The following PPP3CA variants were observed in gnomAD, a reference collection of about 807,000 sequenced individuals.
PPP3CA encodes protein phosphatase 3 catalytic subunit alpha, also known as CAM-PRP catalytic subunit.
A neutral mutation model predicts 66.5 loss-of-function variants in PPP3CA; 14 were observed. The observed-to-expected ratio is 0.21, with a 90% CI of 0.14 to 0.33. The LOEUF (loss-of-function observed/expected upper bound fraction) is 0.33, where lower values mean the gene tolerates loss of function less well. PPP3CA is among the 10% of genes least tolerant of loss of function. The pLI is 1.00. For synonymous variants in PPP3CA, 232 were observed against 226.2 expected (o/e 1.03, Z -0.23); for missense variants, 317 against 639.5 (o/e 0.50, Z 5.44).
At chr4:101,056,725 C>T (rs1728237081) in intron 10 of PPP3CA, among the ~76,000 whole-genome samples, 1 of 151,420 alleles carries the variant, frequency 6.6e-6, no homozygotes, top group South Asian at 2.1e-4. Flanking sequence ...AGGAGCCTGG[C>T]AAGCAGCAGG....
intron 2 of PPP3CA, among the ~76,000 whole-genome samples, chr4:101,185,552 T>A (rs1724384385): frequency 6.6e-6 from 1 of 152,232 alleles, no homozygotes; most frequent in Admixed American, 6.5e-5. Context: ...AATTTTTACT[T>A]CACCTCACTA....
At chr4:101,279,444 T>C (rs1370939484) in intron 1 of PPP3CA, among the ~76,000 whole-genome samples, 1 of 152,196 alleles carries the variant, frequency 6.6e-6, no homozygotes, top group Non-Finnish European at 1.5e-5. Context: ...CAACATCAGA[T>C]ACCTGACTCT....
At chr4:101,289,481 T>C (rs1727950428) in intron 1 of PPP3CA, among the ~76,000 whole-genome samples, 1 of 152,228 alleles carries the variant, frequency 6.6e-6, no homozygotes, top group African/African-American at 2.4e-5. Flanking sequence ...TCCGCTATTC[T>C]CTTTTTGGAC....
intron 1 of PPP3CA, among the ~76,000 whole-genome samples, chr4:101,319,917 T>C (rs992113521): frequency 1.3e-5 from 2 of 152,164 alleles, no homozygotes; most frequent in Non-Finnish European, 1.5e-5. Context: ...TGTAGCCTTA[T>C]ACCTGAATTT....
At chr4:101,342,454 C>T (rs139963934) in intron 1 of PPP3CA, among the ~76,000 whole-genome samples, 32 of 152,186 alleles carry the variant, frequency 2.1e-4, no homozygotes, top group Middle Eastern at 3.4e-3. Context: ...AATAGACCAA[C>T]CTAACTCGTA....
chr4:101,189,907 T>A (rs1724543574), intron 2 of PPP3CA, among the ~76,000 whole-genome samples: 1 of 152,058 alleles, frequency 6.6e-6, no homozygotes, highest in African/African-American at 2.4e-5. Context: ...GTGACTGGTA[T>A]TTCAGACTGT....
At chr4:101,297,308 T>A (rs2110295179) in intron 1 of PPP3CA, among the ~76,000 whole-genome samples, 2 of 152,322 alleles carry the variant, frequency 1.3e-5, no homozygotes, top group African/African-American at 4.8e-5. Flanking sequence ...GTAGTAAGTA[T>A]AAGAATAAGC....
At chr4:101,068,917 T>A (rs1199220017) in intron 8 of PPP3CA, among the ~76,000 whole-genome samples, 1 of 152,164 alleles carries the variant, frequency 6.6e-6, no homozygotes, top group Non-Finnish European at 1.5e-5. Flanking sequence ...AGCCTTAAAT[T>A]TTTAGGTAAT....
chr4:101,104,918 T>TA (rs766426390), intron 3 of PPP3CA, among the ~76,000 whole-genome samples: 2 of 152,140 alleles, frequency 1.3e-5, no homozygotes, highest in Non-Finnish European at 2.9e-5. Flanking sequence ...GAAGTTTAAT[T>TA]AAAGAGCTGT....
chr4:101,316,172 G>A (rs1214754014), intron 1 of PPP3CA, among the ~76,000 whole-genome samples: 1 of 151,742 alleles, frequency 6.6e-6, no homozygotes, highest in East Asian at 1.9e-4. Context: ...GTGGCAATGT[G>A]TTGAGCTAAA....
intron 10 of PPP3CA, among the ~76,000 whole-genome samples, chr4:101,060,372 ACTT>A (rs1728409364): frequency 6.6e-6 from 1 of 152,018 alleles, no homozygotes; most frequent in Non-Finnish European, 1.5e-5. Context: ...CCTCAACTGT[ACTT>A]CTTAAATGCA....
At position 101,318,056 on chromosome 4, in the gene PPP3CA, A is replaced by G. The variant is rs558485830; in HGVS notation, c.58+28683T>C. Among the ~76,000 whole-genome samples, 6 of 152,356 alleles carry G rather than the reference A, an allele frequency of 3.9e-5. No individual in the cohort carries two copies. The South Asian group carries it at 6.2e-4, about 16-fold the overall frequency. On this transcript the variant is annotated intron_variant, in intron 1 of 13. Transcript: ENST00000394854. The stretch of plus-strand genomic sequence containing the variant: ...TTCTCTTAAAAAATAGTTGTAGTGT[A>G]GTAAACAACGTATCAAAACAATTTG...
At chr4:101,101,107 T>G (rs958029660) in intron 3 of PPP3CA, among the ~76,000 whole-genome samples, 1 of 152,158 alleles carries the variant, frequency 6.6e-6, no homozygotes, top group South Asian at 2.1e-4. Flanking sequence ...TTACTTTAAG[T>G]TTCTAATTAC....
At chr4:101,190,047 T>C (rs1472344451) in intron 2 of PPP3CA, among the ~76,000 whole-genome samples, 1 of 152,004 alleles carries the variant, frequency 6.6e-6, no homozygotes, top group Non-Finnish European at 1.5e-5. Flanking sequence ...AAAATGAATA[T>C]AGCATAGATG....
intron 2 of PPP3CA, among the ~76,000 whole-genome samples, chr4:101,162,150 G>A (rs773327819): frequency 2.6e-5 from 4 of 152,040 alleles, no homozygotes; most frequent in Non-Finnish European, 4.4e-5. Flanking sequence ...TGAGGGAGGA[G>A]AACCACTTGA....
At chr4:101,276,182 A>T (rs994390357) in intron 1 of PPP3CA, among the ~76,000 whole-genome samples, 12 of 152,064 alleles carry the variant, frequency 7.9e-5, no homozygotes, top group Admixed American at 1.3e-4. Flanking sequence ...GGCTTGAATC[A>T]CCGCTCCTGG....
chr4:101,344,093 T>A (rs1263766413), intron 1 of PPP3CA, among the ~76,000 whole-genome samples: 1 of 152,182 alleles, frequency 6.6e-6, no homozygotes, highest in East Asian at 1.9e-4. Context: ...GATAATTTCT[T>A]TTCTGTATTA....
intron 2 of PPP3CA, among the ~76,000 whole-genome samples, chr4:101,172,339 A>G (rs887499322): frequency 1.2e-4 from 18 of 152,146 alleles, no homozygotes; most frequent in African/African-American, 4.3e-4. Context: ...TATTTCATCT[A>G]CAGAGAGAAT....
intron 1 of PPP3CA, among the ~76,000 whole-genome samples, chr4:101,329,477 C>T (rs1317665635): frequency 6.6e-6 from 1 of 152,126 alleles, no homozygotes; most frequent in Non-Finnish European, 1.5e-5. Context: ...AGCAAGTTAT[C>T]CAGGAGACCT....
Sources: allele counts gnomAD v4.1 joint callset (sites outside exome capture counted in the v4.1 genomes callset), GRCh38; gene constraint gnomAD v4.1.1; transcripts MANE v1.5; gene names NCBI Gene and HGNC (gene_info 2026-07-23, HGNC 2026-07-21).